The following HSPB2 variants were observed in gnomAD, a reference collection of about 807,000 sequenced individuals.
HSPB2 encodes heat shock protein beta-2.
In HSPB2, 14 loss-of-function variants were observed where a neutral mutation model predicts 14.1. The ratio of observed to expected loss-of-function variants is 0.99; its 90% CI spans 0.66 to 1.55. The LOEUF is 1.55. HSPB2 is among the 40% of genes most tolerant of loss of function. The pLI is 0.00. For synonymous variants in HSPB2, 110 were observed against 103.4 expected, an observed-to-expected ratio of 1.06 and a Z score of -0.39; for missense variants, 242 against 241.7, an observed-to-expected ratio of 1.00 and a Z score of -0.01.
At chr11:111,913,293 T>C (rs1274641941) in intron 1 of HSPB2, 148 bp from the exon 2 acceptor site, 1 of 646,266 alleles carries the variant, frequency 1.5e-6, no homozygotes, top group Non-Finnish European at 2.8e-6. Flanking sequence ...CTTCTCCTCC[T>C]AGCTACAGTG....
In HSPB2 at chr11:111,913,702, G is replaced by A. The variant is rs764919055; in HGVS notation, c.356G>A (p.Arg119His). Reference sequence around the variant, plus strand: ...GGCTTCGTGTCCCGAGAGTTCTGCCGCACCTATGTCCTGCCTGCTGATGTC... The same window carrying A: ...GGCTTCGTGTCCCGAGAGTTCTGCCACACCTATGTCCTGCCTGCTGATGTC... The part of the protein sequence containing the change: ...RHGFVSREFC[R>H]TYVLPADVDP... The change falls in exon 2 of 2, where the codon CGC becomes CAC. Residue 119 changes from arginine (R) to histidine (H), a missense_variant. By Grantham distance (29) the Arg-to-His change is conservative. Coordinates refer to ENST00000304298, the MANE Select transcript of HSPB2 (RefSeq NM_001541.4). 4 of 1,613,990 alleles carry A rather than the reference G, an allele frequency of 2.5e-6. No homozygotes were observed. The highest frequency in any genetic ancestry group is 3.4e-6 in the Non-Finnish European group (4 of 1,180,016).
Position 111,914,004 on chromosome 11 carries a change from A to G in HSPB2, c.*109A>G, listed in dbSNP as rs909168506. On this transcript the variant is annotated 3_prime_UTR_variant, in exon 2 of 2. Transcript: ENST00000304298. ...CATCCTTGGGGGAAGGGAAAGGTGCATGGTCCACAATGTATGGTTTGGTCC... is the reference window on the plus strand; with the variant it reads ...CATCCTTGGGGGAAGGGAAAGGTGCGTGGTCCACAATGTATGGTTTGGTCC... 7 of 936,708 alleles carry G rather than the reference A, an allele frequency of 7.5e-6. No individual in the cohort carries two copies. The highest frequency in any genetic ancestry group is 1.1e-5 in the Non-Finnish European group (7 of 636,162). The allele number at this position is 936,708 out of a possible 1,614,324, so 58.0% of individuals were successfully genotyped here.
chr11:111,913,072 C>T (rs1965522012), intron 1 of HSPB2, 149 bp downstream of exon 1: 1 of 658,272 alleles, frequency 1.5e-6, no homozygotes, highest in South Asian at 1.8e-5. Context: ...CCCTCATCCC[C>T]TCCAAGCAGA....
intron 1 of HSPB2, 46 bp from the exon 2 acceptor site, chr11:111,913,395 C>A: frequency 6.8e-7 from 1 of 1,460,594 alleles, no homozygotes; most frequent in Non-Finnish European, 9.4e-7. Flanking sequence ...CCTGTGCCAG[C>A]CTCATCCTCC....
chr11:111,912,863 G>A lies in HSPB2; in HGVS notation c.34G>A (p.Ala12Thr), dbSNP rs781986564. The change falls in exon 1 of 2, where the codon GCC becomes ACC. Residue 12 changes from alanine to threonine, a missense_variant. Coordinates refer to ENST00000304298, the MANE Select transcript of HSPB2 (RefSeq NM_001541.4). ...CCGCTCAGTGCCACATGCCCACCCG[G>A]CCACCGCCGAGTACGAATTTGCCAA... ...SGRSVPHAHPATAEYEFANPS... is the reference protein window; with the variant it reads ...SGRSVPHAHPTTAEYEFANPS... 1 of 1,608,440 alleles carries A rather than the reference G, an allele frequency of 6.2e-7. No individual in the cohort carries two copies. Among genetic ancestry groups the A allele is most frequent in the East Asian group, 2.2e-5 (1 of 44,724 alleles).
Position 111,913,612 on chromosome 11 carries a change from CTG to C in HSPB2, c.269_270del (p.Val90GlufsTer5). ...AGCCACTTTACCCCAGACGAGGTGA[CTG>C]TGAGGACTGTGGATAACCTGCTGGA... On this transcript the variant is annotated frameshift_variant, in exon 2 of 2. Coordinates refer to ENST00000304298, the MANE Select transcript of HSPB2 (RefSeq NM_001541.4). LOFTEE classifies it high-confidence loss of function. 1 of 1,614,220 alleles carries C rather than the reference CTG, an allele frequency of 6.2e-7. No individual in the cohort carries two copies. The highest frequency in any genetic ancestry group is 8.5e-7 in the Non-Finnish European group (1 of 1,180,048).
chr11:111,913,223 C>T (rs1965528280), intron 1 of HSPB2: 2 of 605,904 alleles, frequency 3.3e-6, no homozygotes, highest in Admixed American at 3.0e-5. Context: ...TCCCCCTCCT[C>T]CTCCTTCTCC....
At position 111,913,883 on chromosome 11, in the gene HSPB2, A is replaced by T; in HGVS notation, c.537A>T (p.Ile179=). 2 of 1,607,722 alleles carry T rather than the reference A, an allele frequency of 1.2e-6. No homozygotes were observed. Among genetic ancestry groups the T allele is most frequent in the Non-Finnish European group, 1.7e-6 (2 of 1,176,708 alleles). ...CAGAGGAAGAGGAGGAGGCAGCCAT[A>T]GTTGAGCCCTGATTGCCACAGACCC... ...PDPEEEEEAA[I]VEP The change falls in exon 2 of 2, where the codon ATA becomes ATT. Residue 179 remains isoleucine (I), a synonymous_variant. Coordinates refer to ENST00000304298, the MANE Select transcript of HSPB2 (RefSeq NM_001541.4).
At chr11:111,913,151 G>A (rs925411309) in intron 1 of HSPB2, 16 of 604,066 alleles carry the variant, frequency 2.6e-5, no homozygotes, top group East Asian at 1.7e-4. Context: ...GCTCTTTGCC[G>A]GCCTGGGTGT....
Position 111,912,924 on chromosome 11 carries a change from GTA to G in HSPB2, c.94+3_94+4del. 1 of 1,597,334 alleles carries G rather than the reference GTA, an allele frequency of 6.3e-7. No homozygotes were observed. The highest frequency in any genetic ancestry group is 8.5e-7 in the Non-Finnish European group (1 of 1,173,418). ...CTGGGTGAGCAGCGCTTCGGAGAAG[GTA>G]TGGCACAGACACCACCCCCTTGCCC... On this transcript the variant is annotated splice_donor_variant and splice_donor_region_variant and intron_variant, in intron 1 of 1. Coordinates refer to ENST00000304298, the MANE Select transcript of HSPB2 (RefSeq NM_001541.4). LOFTEE classifies it high-confidence loss of function.
At position 111,912,768 on chromosome 11, in the gene HSPB2, G is replaced by A; in HGVS notation, c.-62G>A. On this transcript the variant is annotated 5_prime_UTR_variant, in exon 1 of 2. Transcript: ENST00000304298. ...AGCCCTGGCTCTCCGGGCAGCTGGA[G>A]GGGTCGCGCTGCGCCTGTTGGGGCT... The A allele has an allele frequency of 7.4e-7, 1 of 1,348,198 alleles. No homozygotes were observed. Among genetic ancestry groups the A allele is most frequent in the South Asian group, 1.3e-5 (1 of 79,774 alleles). 83.5% of individuals were successfully genotyped at this position (1,348,198 alleles called of 1,614,324 possible). A position where few individuals can be genotyped will look rare whatever the true frequency, so the allele number is the denominator to read the frequency against.
In HSPB2 at chr11:111,913,788, C is replaced by CG; in HGVS notation, c.446dup (p.Gly150TrpfsTer10). The CG allele has an allele frequency of 6.2e-7, 1 of 1,614,160 alleles. No individual in the cohort carries two copies. Among genetic ancestry groups the CG allele is most frequent in the Non-Finnish European group, 8.5e-7 (1 of 1,180,040 alleles). ...TGGCATCTTAAACCTGGAAGCACCT[C>CG]GGGGTGGCCGACATTTGGACACAGA... On this transcript the variant is annotated frameshift_variant, in exon 2 of 2. Coordinates refer to ENST00000304298, the MANE Select transcript of HSPB2 (RefSeq NM_001541.4). LOFTEE classifies it high-confidence loss of function.
chr11:111,913,459 T>A lies in HSPB2; in HGVS notation c.113T>A (p.Ile38Asn), dbSNP rs146569701. ...CCTTTAGGCCTCCTGCCAGAAGAGA[T>A]CCTGACCCCCACACTCTACCATGGC... is the stretch of plus-strand genomic sequence containing the variant. ...RFGEGLLPEE[I>N]LTPTLYHGYY... The change falls in exon 2 of 2, where the codon ATC becomes AAC. Residue 38 changes from isoleucine to asparagine, a missense_variant. By Grantham distance (149) the Ile-to-Asn change is moderately radical (BLOSUM62 -3). Coordinates refer to ENST00000304298, the MANE Select transcript of HSPB2 (RefSeq NM_001541.4). The A allele has an allele frequency of 1.6e-5, 25 of 1,609,754 alleles. No individual in the cohort carries two copies. Among genetic ancestry groups the A allele is most frequent in the Non-Finnish European group, 2.1e-5 (25 of 1,179,914 alleles).
At chr11:111,913,336 TC>T in intron 1 of HSPB2, 104 bp from the exon 2 acceptor site, 1 of 856,838 alleles carries the variant, frequency 1.2e-6, no homozygotes, top group Non-Finnish European at 1.9e-6. Context: ...TCCTCCTGAC[TC>T]CCCTCTTGCT....
chr11:111,913,220 C>T, intron 1 of HSPB2: 2 of 606,496 alleles, frequency 3.3e-6, no homozygotes, highest in East Asian at 2.8e-5. Context: ...TCCTCCCCCT[C>T]CTCCTCCTTC....
rs782747754 is a variant in HSPB2, at chr11:111,912,935, A to G, written c.94+12A>G. The stretch of plus-strand genomic sequence containing the variant: ...GCGCTTCGGAGAAGGTATGGCACAG[A>G]CACCACCCCCTTGCCCCCCACCCCC... On this transcript the variant is annotated intron_variant, in intron 1 of 1. Coordinates refer to ENST00000304298, the MANE Select transcript of HSPB2 (RefSeq NM_001541.4). The G allele has an allele frequency of 1.9e-6, 3 of 1,573,580 alleles. No individual in the cohort carries two copies. Among genetic ancestry groups the G allele is most frequent in the Non-Finnish European group, 2.6e-6 (3 of 1,159,596 alleles).
chr11:111,913,194 G>C (rs570230145), intron 1 of HSPB2: 3 of 602,736 alleles, frequency 5.0e-6, no homozygotes, highest in Non-Finnish European at 8.9e-6. Flanking sequence ...CACCCAGGCC[G>C]TTTGGTGCCT....
Position 111,913,941 on chromosome 11 carries a change from G to A in HSPB2, c.*46G>A. ...AGCAAATCCCTCTCTACCTCCCAAGGTGATATGGGCAGCTGCCCACCACTC... is the reference window on the plus strand; with the variant it reads ...AGCAAATCCCTCTCTACCTCCCAAGATGATATGGGCAGCTGCCCACCACTC... On this transcript the variant is annotated 3_prime_UTR_variant, in exon 2 of 2. Coordinates refer to ENST00000304298, the MANE Select transcript of HSPB2 (RefSeq NM_001541.4). The A allele has an allele frequency of 6.6e-7, 1 of 1,516,814 alleles. No individual in the cohort carries two copies. Among genetic ancestry groups the A allele is most frequent in the South Asian group, 1.2e-5 (1 of 80,198 alleles). The allele number at this position is 1,516,814 out of a possible 1,614,324, so 94.0% of individuals were successfully genotyped here.
Position 111,913,607 on chromosome 11 carries a change from G to T in HSPB2, c.261G>T (p.Glu87Asp). The change falls in exon 2 of 2, where the codon GAG (glutamate) becomes GAT (aspartate). Residue 87 changes from glutamate (E) to aspartate (D), a missense_variant. By Grantham distance (45) the Glu-to-Asp change is conservative (BLOSUM62 2). Transcript: ENST00000304298. ...ATGTGAGCCACTTTACCCCAGACGA[G>T]GTGACTGTGAGGACTGTGGATAACC... is the stretch of plus-strand genomic sequence containing the variant. ...FLDVSHFTPD[E>D]VTVRTVDNLL... 1 of 1,614,202 alleles carries T rather than the reference G, an allele frequency of 6.2e-7. No homozygotes were observed. Among genetic ancestry groups the T allele is most frequent in the Non-Finnish European group, 8.5e-7 (1 of 1,180,050 alleles).
Sources: gnomAD v4.1 joint callset for allele counts on GRCh38, gnomAD v4.1.1 for gene constraint, MANE v1.5 for transcripts, NCBI Gene and HGNC (gene_info 2026-07-23, HGNC 2026-07-21) for gene names.